Variants in ANKS1B observed in about 807,000 individuals in gnomAD.
ANKS1B encodes the protein ankyrin repeat and sterile alpha motif domain-containing protein 1B.
In ANKS1B, 36 loss-of-function variants were observed where a neutral mutation model predicts 148.3. That is an observed-to-expected ratio of 0.24 (90% CI 0.19 to 0.32). The LOEUF (loss-of-function observed/expected upper bound fraction) is 0.32. Ranked by LOEUF, ANKS1B falls within the 10% of genes least tolerant of loss-of-function variation. The probability of loss-of-function intolerance (pLI) is 1.00; values close to 1 mark genes in which losing one functional copy is unlikely to be tolerated. For synonymous variants in ANKS1B, 542 were observed against 560.8 expected (o/e 0.97, Z 0.47); for missense variants, 1,157 against 1,542.6 (o/e 0.75, Z 4.19).
At chr12:99,718,092 A>T (rs990292474) in intron 8 of ANKS1B, among the ~76,000 whole-genome samples, 3 of 151,378 alleles carry the variant, frequency 2.0e-5, no homozygotes, top group African/African-American at 7.3e-5. Flanking sequence ...TTTAGTAGAG[A>T]CGGGGTTTCA....
At chr12:99,221,829 A>AT (rs1164582894) in intron 14 of ANKS1B, among the ~76,000 whole-genome samples, 2 of 152,206 alleles carry the variant, frequency 1.3e-5, no homozygotes, top group Non-Finnish European at 1.5e-5. Flanking sequence ...GAATGTATCC[A>AT]TCACACATAT....
chr12:99,406,200 T>C (rs58452732), intron 11 of ANKS1B, among the ~76,000 whole-genome samples: 10,538 of 145,208 alleles, frequency 0.073, 2,407 homozygotes, highest in African/African-American at 0.25. Flanking sequence ...AACATTTCAA[T>C]GAACAGTTAC....
rs192791985 is a variant in ANKS1B at position 99,714,159 on chromosome 12, T to C, written c.1128+58763A>G. Among the ~76,000 whole-genome samples, 5 of 152,320 alleles carry C rather than the reference T, an allele frequency of 3.3e-5. No individual in the cohort carries two copies. In the East Asian group the frequency reaches 9.7e-4, roughly 29 times the overall value. Reference sequence around the variant, plus strand: ...CCGCCCGCATTCCATGGCTCATGGCTACATCACTTGGATCTCCGCTTCTGT... The same window carrying C: ...CCGCCCGCATTCCATGGCTCATGGCCACATCACTTGGATCTCCGCTTCTGT... On this transcript the variant is annotated intron_variant, in intron 8 of 26. Transcript: ENST00000683438.
chr12:99,750,293 A>C (rs1158682358), intron 8 of ANKS1B, among the ~76,000 whole-genome samples: 1 of 152,048 alleles, frequency 6.6e-6, no homozygotes, highest in African/African-American at 2.4e-5. Flanking sequence ...AGGTCACTAT[A>C]ATATTCCTAG....
intron 17 of ANKS1B, among the ~76,000 whole-genome samples, chr12:98,852,197 C>T (rs2099532131): frequency 6.6e-6 from 1 of 152,058 alleles, no homozygotes; most frequent in Non-Finnish European, 1.5e-5. Flanking sequence ...GCAATTAGAA[C>T]TTGTTCATTA....
At chr12:99,690,229 G>C (rs2098671887) in intron 8 of ANKS1B, among the ~76,000 whole-genome samples, 1 of 152,100 alleles carries the variant, frequency 6.6e-6, no homozygotes. Flanking sequence ...TTCACTCATG[G>C]GGATTATGGG....
At chr12:99,237,344 G>A (rs552068167) in intron 14 of ANKS1B, among the ~76,000 whole-genome samples, 51 of 152,182 alleles carry the variant, frequency 3.4e-4, no homozygotes, top group Non-Finnish European at 2.8e-4. Flanking sequence ...GTGTGTATGT[G>A]TTTGTGTGTG....
intron 11 of ANKS1B, among the ~76,000 whole-genome samples, chr12:99,409,378 G>C (rs2094613915): frequency 6.6e-6 from 1 of 152,028 alleles, no homozygotes; most frequent in South Asian, 2.1e-4. Flanking sequence ...GTGGTGGGGG[G>C]AGTGGGAATA....
chr12:99,704,704 G>C (rs959959305), intron 8 of ANKS1B, among the ~76,000 whole-genome samples: 3 of 151,960 alleles, frequency 2.0e-5, no homozygotes, highest in African/African-American at 7.2e-5. Flanking sequence ...TCCCAAGCCA[G>C]GTCAAGAAAG....
chr12:99,832,021 C>T (rs2084087640), intron 1 of ANKS1B, among the ~76,000 whole-genome samples: 1 of 152,188 alleles, frequency 6.6e-6, no homozygotes, highest in Admixed American at 6.5e-5. Context: ...GCCTACTTTT[C>T]TACCATCAGA....
chr12:99,533,059 T>G (rs2097018530), intron 9 of ANKS1B, among the ~76,000 whole-genome samples: 1 of 152,220 alleles, frequency 6.6e-6, no homozygotes, highest in Non-Finnish European at 1.5e-5. Flanking sequence ...TCTAATTCTG[T>G]GAAGAATGAC....
intron 8 of ANKS1B, among the ~76,000 whole-genome samples, chr12:99,667,908 T>C (rs942020811): frequency 6.6e-5 from 10 of 152,210 alleles, no homozygotes; most frequent in African/African-American, 2.4e-4. Flanking sequence ...TTGGTTGTAA[T>C]GCAAAATTTT....
chr12:99,826,504 C>T (rs1347450777), intron 1 of ANKS1B, among the ~76,000 whole-genome samples: 3 of 152,060 alleles, frequency 2.0e-5, no homozygotes, highest in African/African-American at 7.2e-5. Flanking sequence ...AGGTGGGAAA[C>T]TGGAAGCAGT....
intron 22 of ANKS1B, among the ~76,000 whole-genome samples, chr12:98,786,255 T>C (rs1382873061): frequency 6.6e-6 from 1 of 152,228 alleles, no homozygotes; most frequent in Non-Finnish European, 1.5e-5. Flanking sequence ...GTTTCTGAAA[T>C]CTAAAATACA....
intron 8 of ANKS1B, among the ~76,000 whole-genome samples, chr12:99,752,575 A>AT (rs1399201919): frequency 3.9e-5 from 6 of 151,956 alleles, no homozygotes; most frequent in Non-Finnish European, 8.8e-5. Flanking sequence ...ACGCAATAAG[A>AT]TTTTTTAAAT....
chr12:99,093,787 T>A (rs2054922153), intron 15 of ANKS1B, among the ~76,000 whole-genome samples: 2 of 152,230 alleles, frequency 1.3e-5, no homozygotes, highest in South Asian at 4.1e-4. Context: ...TTAAGGATGA[T>A]GGGGTCTCTT....
chr12:99,221,492 A>C (rs1016996653), intron 14 of ANKS1B, among the ~76,000 whole-genome samples: 1 of 152,220 alleles, frequency 6.6e-6, no homozygotes, highest in Non-Finnish European at 1.5e-5. Flanking sequence ...CCTTCACATC[A>C]ATAGAAATAG....
chr12:98,919,390 T>C (rs1189893912), intron 17 of ANKS1B, among the ~76,000 whole-genome samples: 1 of 152,184 alleles, frequency 6.6e-6, no homozygotes, highest in Non-Finnish European at 1.5e-5. Context: ...CCCATTTAAA[T>C]ACATAATGAG....
chr12:98,782,381 G>A (rs774062497), intron 22 of ANKS1B, among the ~76,000 whole-genome samples: 8 of 152,096 alleles, frequency 5.3e-5, no homozygotes, highest in African/African-American at 9.7e-5. Context: ...TTACTGCACC[G>A]CACAGTCTTA....
Sources: allele counts gnomAD v4.1 joint callset (sites outside exome capture counted in the v4.1 genomes callset), GRCh38; gene constraint gnomAD v4.1.1; transcripts MANE v1.5; gene names NCBI Gene and HGNC (gene_info 2026-07-23, HGNC 2026-07-21).